The following TRIM42 variants were observed in gnomAD, a reference collection of about 807,000 sequenced individuals.
TRIM42 encodes the protein tripartite motif containing 42.
TRIM42 carries 59 observed loss-of-function variants against 64.9 expected under a neutral mutation model. That is an observed-to-expected ratio of 0.91 (90% CI 0.74 to 1.13). The LOEUF (loss-of-function observed/expected upper bound fraction) is 1.13, where lower values mean the gene tolerates loss of function less well. TRIM42 is among the 50% of genes most tolerant of loss of function. The probability of loss-of-function intolerance (pLI) is 0.00; values close to 1 mark genes in which losing one functional copy is unlikely to be tolerated. For synonymous variants in TRIM42, 354 were observed against 346.3 expected, an observed-to-expected ratio of 1.02 and a Z score of -0.25; for missense variants, 878 against 929.5, an observed-to-expected ratio of 0.94 and a Z score of 0.72.
chr3:140,695,315 T>C (rs1576421713), intron 4 of TRIM42, among the ~76,000 whole-genome samples: 1 of 152,070 alleles, frequency 6.6e-6, no homozygotes, highest in East Asian at 1.9e-4. Context: ...TAACCTAACA[T>C]ATTCAAAGGT....
intron 2 of TRIM42, among the ~76,000 whole-genome samples, chr3:140,683,361 C>T (rs896350465): frequency 6.6e-6 from 1 of 152,168 alleles, no homozygotes; most frequent in African/African-American, 2.4e-5. Context: ...TTAACTTCCC[C>T]GTGCCTTGCT....
intron 1 of TRIM42, among the ~76,000 whole-genome samples, chr3:140,681,851 G>A (rs1431104862): frequency 6.9e-6 from 1 of 144,960 alleles, no homozygotes. Context: ...GAAGAACAGA[G>A]TGACCCAAAA....
At chr3:140,697,892 C>T (rs1305568762) in intron 4 of TRIM42, among the ~76,000 whole-genome samples, 1 of 152,126 alleles carries the variant, frequency 6.6e-6, no homozygotes, top group East Asian at 1.9e-4. Context: ...ACCGTGTTAG[C>T]CAGTATGGTC....
intron 2 of TRIM42, among the ~76,000 whole-genome samples, chr3:140,686,201 G>A (rs967630851): frequency 1.3e-5 from 2 of 152,146 alleles, no homozygotes; most frequent in Non-Finnish European, 2.9e-5. Flanking sequence ...TTAACAGTAG[G>A]TAACTATTGA....
chr3:140,689,764 G>A (rs1988656970), intron 3 of TRIM42, among the ~76,000 whole-genome samples: 1 of 151,022 alleles, frequency 6.6e-6, no homozygotes, highest in African/African-American at 2.4e-5. Flanking sequence ...CCATAACTGA[G>A]CAGCTGAACT....
At position 140,695,346 on chromosome 3, in the gene TRIM42, A is replaced by G. The variant is rs571794250; in HGVS notation, c.2085+4154A>G. Reference sequence around the variant, plus strand: ...AAGGTTCTGGGATTGGGACATGGACATCTCTGGGGTCCATTATTCTGTCTA... The same window carrying G: ...AAGGTTCTGGGATTGGGACATGGACGTCTCTGGGGTCCATTATTCTGTCTA... On this transcript the variant is annotated intron_variant, in intron 4 of 4. Transcript: ENST00000286349. Among the ~76,000 whole-genome samples, 9 of 152,256 alleles carry G rather than the reference A, an allele frequency of 5.9e-5. No individual in the cohort carries two copies. The East Asian group carries it at 1.5e-3, about 26-fold the overall frequency.
rs114287544 is a variant in TRIM42 at position 140,682,924 on chromosome 3, G to C, written c.804G>C (p.Ser268=). ...ACGACTGCCTCAAGGCCTTCCACTCGGATGTGGCCATGCAAGACCACGTCT... is the reference window on the plus strand; with the variant it reads ...ACGACTGCCTCAAGGCCTTCCACTCCGATGTGGCCATGCAAGACCACGTCT... The part of the protein sequence containing the change: ...LCNDCLKAFH[S]DVAMQDHVFV... The change falls in exon 2 of 5, where the codon TCG becomes TCC. Residue 268 remains serine, a synonymous_variant. Transcript: ENST00000286349. 6.2e-7 allele frequency: 1 copy of C among 1,614,176 alleles called. No homozygotes were observed. Among genetic ancestry groups the C allele is most frequent in the East Asian group, 2.2e-5 (1 of 44,868 alleles).
chr3:140,693,129 A>G (rs1375245585), intron 4 of TRIM42, among the ~76,000 whole-genome samples: 1 of 152,248 alleles, frequency 6.6e-6, no homozygotes, highest in Non-Finnish European at 1.5e-5. Context: ...GTGACCAAAT[A>G]AATGAACAAA....
At chr3:140,692,625 G>A (rs1988752372) in intron 4 of TRIM42, among the ~76,000 whole-genome samples, 3 of 151,676 alleles carry the variant, frequency 2.0e-5, no homozygotes, top group Admixed American at 2.0e-4. Context: ...TGTGAGATGG[G>A]GAAGCCTGCT....
At chr3:140,682,166 T>C (rs1988413600) in intron 1 of TRIM42, among the ~76,000 whole-genome samples, 6 of 152,234 alleles carry the variant, frequency 3.9e-5, no homozygotes, top group Admixed American at 3.9e-4. Context: ...TACCACGGAC[T>C]GCTCTTAGAC....
intron 4 of TRIM42, among the ~76,000 whole-genome samples, chr3:140,697,417 GGA>G (rs1204036148): frequency 2.0e-5 from 3 of 151,846 alleles, no homozygotes; most frequent in Non-Finnish European, 4.4e-5. Flanking sequence ...TCTTTTCTTA[GGA>G]TTAGATCACA....
Position 140,678,150 on chromosome 3 carries a change from C to G in TRIM42, c.-80C>G. The G allele has an allele frequency of 1.5e-6, 2 of 1,323,818 alleles. No individual in the cohort carries two copies. The highest frequency in any genetic ancestry group is 2.1e-6 in the Non-Finnish European group (2 of 939,642). The allele number at this position is 1,323,818 out of a possible 1,614,324, so 82.0% of individuals were successfully genotyped here. On this transcript the variant is annotated 5_prime_UTR_variant, in exon 1 of 5. Coordinates refer to ENST00000286349, the MANE Select transcript of TRIM42 (RefSeq NM_152616.5). ...CTCAGGAATGGGAGGAAGGACTCCT[C>G]CACTGGAGAACTGATAGCAGTATTC...
chr3:140,688,111 T>C lies in TRIM42; in HGVS notation c.1429T>C (p.Leu477=), dbSNP rs1270601074. The C allele has an allele frequency of 1.2e-6, 2 of 1,613,964 alleles. No individual in the cohort carries two copies. ...LRLHSINYVP[L]DFVELSSAIH... Reference sequence around the variant, plus strand: ...GCTGCACTCAATAAACTACGTGCCCTTGGACTTTGTTGAGCTTTCCAGTGC... The same window carrying C: ...GCTGCACTCAATAAACTACGTGCCCCTGGACTTTGTTGAGCTTTCCAGTGC... The change falls in exon 3 of 5, where the codon TTG becomes CTG. Residue 477 remains leucine (L), a synonymous_variant. Coordinates refer to ENST00000286349, the MANE Select transcript of TRIM42 (RefSeq NM_152616.5).
Position 140,688,333 on chromosome 3 carries a change from G to A in TRIM42, c.1651G>A (p.Val551Met). ...CAGCAACACTGACAAGAAGGCCAAG[G>A]TGGGTCTGGAGGCCTGTGGGAGAGC... ...SFSNTDKKAK[V>M]GLEACGRAQS... Residue 551 changes from valine (V) to methionine (M), a missense_variant, in exon 3 of 5, where the codon GTG becomes ATG. Transcript: ENST00000286349. The A allele has an allele frequency of 2.5e-6, 4 of 1,614,200 alleles. No individual in the cohort carries two copies. The highest frequency in any genetic ancestry group is 3.4e-6 in the Non-Finnish European group (4 of 1,180,036).
intron 3 of TRIM42, among the ~76,000 whole-genome samples, chr3:140,690,531 GTATATATATATATATA>G (rs56969249): frequency 0.016 from 1,684 of 104,006 alleles, 28 homozygotes; most frequent in African/African-American, 0.035. Context: ...AAGTTTTTAT[GTATATATATATATATA>G]TATATATATA....
chr3:140,683,682 C>T (rs1988476426), intron 2 of TRIM42, among the ~76,000 whole-genome samples: 1 of 152,096 alleles, frequency 6.6e-6, no homozygotes. Context: ...TGTTAAATTT[C>T]CCTCCATGAA....
intron 4 of TRIM42, among the ~76,000 whole-genome samples, chr3:140,700,514 A>G (rs1988972166): frequency 6.6e-6 from 1 of 152,198 alleles, no homozygotes; most frequent in Non-Finnish European, 1.5e-5. Flanking sequence ...CTGAAACTTA[A>G]CAACTGATAA....
At chr3:140,699,057 TTATTAAA>T (rs1988929196) in intron 4 of TRIM42, among the ~76,000 whole-genome samples, 1 of 152,222 alleles carries the variant, frequency 6.6e-6, no homozygotes, top group East Asian at 1.9e-4. Context: ...AAATAGGTAC[TTATTAAA>T]TTTTTTGCAT....
intron 1 of TRIM42, chr3:140,680,647 C>A (rs367743078): frequency 6.1e-6 from 6 of 984,912 alleles, no homozygotes; most frequent in East Asian, 2.3e-4. Flanking sequence ...GGACAATTAA[C>A]CTGTACCACC....
Sources: allele counts gnomAD v4.1 joint callset (sites outside exome capture counted in the v4.1 genomes callset), GRCh38; gene constraint gnomAD v4.1.1; transcripts MANE v1.5; gene names NCBI Gene and HGNC (gene_info 2026-07-23, HGNC 2026-07-21).